The following CADPS variants were observed in gnomAD, a reference collection of about 807,000 sequenced individuals.
CADPS encodes the protein calcium-dependent secretion activator 1.
Under a neutral mutation model 167.3 loss-of-function variants are expected in CADPS, and 57 were observed. The ratio of observed to expected loss-of-function variants is 0.34; its 90% CI spans 0.28 to 0.42. The LOEUF (loss-of-function observed/expected upper bound fraction) is 0.42. Ranked by LOEUF, CADPS falls within the 20% of genes least tolerant of loss-of-function variation. The probability of loss-of-function intolerance (pLI) is 1.00; values close to 1 mark genes in which losing one functional copy is unlikely to be tolerated. For missense variants in CADPS, 1,414 were observed against 1,738.1 expected (o/e 0.81, Z 3.32); for synonymous variants, 676 against 635.3 (o/e 1.06, Z -0.96).
At chr3:62,488,835 T>C (rs563016155) in intron 21 of CADPS, among the ~76,000 whole-genome samples, 10 of 152,304 alleles carry the variant, frequency 6.6e-5, no homozygotes, top group Non-Finnish European at 1.5e-4. Flanking sequence ...GAAAGGCATA[T>C]ACTATTTAGT....
At chr3:62,871,516 G>A (rs1332460031) in intron 1 of CADPS, among the ~76,000 whole-genome samples, 3 of 152,054 alleles carry the variant, frequency 2.0e-5, no homozygotes, top group Admixed American at 6.5e-5. Context: ...ACTATTTCTA[G>A]CCAGTATCTC....
At chr3:62,719,146 G>T (rs1389395090) in intron 3 of CADPS, among the ~76,000 whole-genome samples, 1 of 152,174 alleles carries the variant, frequency 6.6e-6, no homozygotes, top group Non-Finnish European at 1.5e-5. Context: ...ATCCTGAAGA[G>T]ACCTAAGCTG....
chr3:62,751,961 G>A lies in CADPS; in HGVS notation c.888+1480C>T, dbSNP rs1276869040. Among the ~76,000 whole-genome samples the A allele has an allele frequency of 2.0e-5, 3 of 152,196 alleles. No homozygotes were observed. In the East Asian group the frequency reaches 5.8e-4, roughly 29 times the overall value. On this transcript the variant is annotated intron_variant, in intron 3 of 29. Coordinates refer to ENST00000383710, the MANE Select transcript of CADPS (RefSeq NM_003716.4). ...ACAATGGATTCACTCCAATGAAGCT[G>A]AGTTTGAGCAAGCACAGAAAATATG... is the stretch of plus-strand genomic sequence containing the variant.
At chr3:62,714,280 A>T (rs1231650704) in intron 3 of CADPS, among the ~76,000 whole-genome samples, 3 of 152,234 alleles carry the variant, frequency 2.0e-5, no homozygotes, top group Non-Finnish European at 4.4e-5. Flanking sequence ...TAAAGGAATT[A>T]TATATACATT....
intron 6 of CADPS, among the ~76,000 whole-genome samples, chr3:62,599,523 CATAT>C (rs1391104481): frequency 1.1e-5 from 1 of 92,086 alleles, no homozygotes; most frequent in African/African-American, 4.4e-5. Flanking sequence ...ATATATATTA[CATAT>C]ATATTATATA....
intron 23 of CADPS, among the ~76,000 whole-genome samples, chr3:62,477,555 C>G (rs1040433364): frequency 2.8e-4 from 42 of 152,250 alleles, no homozygotes; most frequent in Middle Eastern, 3.4e-3. Context: ...ATGATGTTTG[C>G]TGAATGGATG....
At chr3:62,654,633 G>A (rs146107812) in intron 4 of CADPS, among the ~76,000 whole-genome samples, 11 of 152,280 alleles carry the variant, frequency 7.2e-5, no homozygotes, top group Non-Finnish European at 1.6e-4. Flanking sequence ...TGGTCTGAGA[G>A]TAGTCCTTAG....
chr3:62,725,916 T>C (rs1306900470), intron 3 of CADPS, among the ~76,000 whole-genome samples: 2 of 151,762 alleles, frequency 1.3e-5, no homozygotes, highest in Non-Finnish European at 2.9e-5. Context: ...AACTGAGGCA[T>C]TGAGTCATAA....
At chr3:62,679,464 T>C (rs759617719) in intron 3 of CADPS, among the ~76,000 whole-genome samples, 2 of 151,942 alleles carry the variant, frequency 1.3e-5, no homozygotes, top group African/African-American at 4.8e-5. Flanking sequence ...TGGGAGCTTA[T>C]GTGTGGTTGG....
intron 26 of CADPS, among the ~76,000 whole-genome samples, chr3:62,463,450 A>G (rs2059607275): frequency 6.6e-6 from 1 of 152,166 alleles, no homozygotes; most frequent in South Asian, 2.1e-4. Context: ...TCTTTTCACC[A>G]TTTCCAGGAC....
chr3:62,564,383 A>G (rs1411575780), intron 9 of CADPS, among the ~76,000 whole-genome samples: 1 of 152,118 alleles, frequency 6.6e-6, no homozygotes, highest in African/African-American at 2.4e-5. Flanking sequence ...AGTTTCCTCT[A>G]ATGTGAAGTT....
chr3:62,703,421 T>C (rs2081774382), intron 3 of CADPS, among the ~76,000 whole-genome samples: 1 of 151,910 alleles, frequency 6.6e-6, no homozygotes, highest in Non-Finnish European at 1.5e-5. Flanking sequence ...TGTAGGGAAT[T>C]GGCATTAGAG....
chr3:62,626,667 T>C (rs2248023), intron 6 of CADPS: 642,184 of 676,326 alleles, frequency 0.95, 306,134 homozygotes, highest in East Asian at 1. Context: ...ACGTTTGGAG[T>C]TCCTTCTGCA....
chr3:62,636,708 G>A (rs2066383263), intron 6 of CADPS, among the ~76,000 whole-genome samples: 1 of 152,152 alleles, frequency 6.6e-6, no homozygotes, highest in Non-Finnish European at 1.5e-5. Flanking sequence ...TGGAACAATG[G>A]CCCTGATCCA....
chr3:62,437,660 C>T (rs2055410515), intron 28 of CADPS, among the ~76,000 whole-genome samples: 1 of 152,096 alleles, frequency 6.6e-6, no homozygotes, highest in Non-Finnish European at 1.5e-5. Flanking sequence ...GATAACGATG[C>T]GACATTTACT....
Position 62,421,943 on chromosome 3 carries a change from G to A in CADPS, c.3777+16161C>T, listed in dbSNP as rs1388847937. Among the ~76,000 whole-genome samples, 2 of 152,196 alleles carry A rather than the reference G, an allele frequency of 1.3e-5. No homozygotes were observed. The highest frequency in any genetic ancestry group is 4.8e-5 in the African/African-American group (2 of 41,446). On this transcript the variant is annotated intron_variant, in intron 28 of 29. Transcript: ENST00000383710. This position sits in a 1 kb window ranked among gnomAD's most constrained non-coding sequence, Gnocchi z 4.7. ...TATTCTTTTTTCCTTTGTAAAGCAG[G>A]TTGTGTTATTTACATATTTCTTTTG...
chr3:62,665,852 C>T (rs752627270), intron 3 of CADPS, among the ~76,000 whole-genome samples: 1 of 152,168 alleles, frequency 6.6e-6, no homozygotes, highest in Non-Finnish European at 1.5e-5. Flanking sequence ...TTAATGAGAC[C>T]TGAGGTTGTC....
At chr3:62,752,988 A>T (rs1423996706) in intron 3 of CADPS, among the ~76,000 whole-genome samples, 2 of 152,224 alleles carry the variant, frequency 1.3e-5, no homozygotes, top group African/African-American at 2.4e-5. Flanking sequence ...ATATACAGGT[A>T]TCGGGCCTTT....
chr3:62,828,042 T>G (rs994014771), intron 1 of CADPS, among the ~76,000 whole-genome samples: 3 of 152,172 alleles, frequency 2.0e-5, no homozygotes, highest in African/African-American at 4.8e-5. Flanking sequence ...GCCAGGACAC[T>G]GCTTCATTGT....
Sources: gnomAD v4.1 joint callset for allele counts (sites outside exome capture counted in the v4.1 genomes callset) on GRCh38, gnomAD v4.1.1 for gene constraint, Gnocchi (gnomAD v3.1) non-coding constraint, MANE v1.5 for transcripts, NCBI Gene and HGNC (gene_info 2026-07-23, HGNC 2026-07-21) for gene names.